CFAP73: variants seen among roughly 807,000 people sequenced by gnomAD.
CFAP73 encodes cilia and flagella associated protein 73.
In CFAP73, 33 loss-of-function variants were observed where a neutral mutation model predicts 42.9. The observed-to-expected ratio is 0.77, with a 90% CI of 0.58 to 1.03. CFAP73 has a LOEUF of 1.03. Among genes scored for constraint, CFAP73 ranks in the 50% least tolerant of loss-of-function variants. CFAP73 has a pLI of 0.00. For missense variants in CFAP73, 392 were observed against 411.9 expected, an observed-to-expected ratio of 0.95 and a Z score of 0.42; for synonymous variants, 162 against 186.8, an observed-to-expected ratio of 0.87 and a Z score of 1.08.
intron 1 of CFAP73, among the ~76,000 whole-genome samples, chr12:113,150,902 A>C (rs1038055102): frequency 6.6e-6 from 1 of 152,132 alleles, no homozygotes; most frequent in Admixed American, 6.6e-5. Context: ...GGAGATGTCC[A>C]CGTGGCTTGC....
rs376917520 is a variant in CFAP73, at chr12:113,155,371, C to A, written c.802C>A (p.Gln268Lys). The change falls in exon 6 of 8, where the codon CAG (glutamine) becomes AAG (lysine). Residue 268 changes from glutamine to lysine, a missense_variant. Physicochemically the swap from Gln to Lys is moderately conservative, Grantham distance 53. Transcript: ENST00000335621. ...LFQLVCQHQGQPPTLDIEDTE... is the reference protein window; with the variant it reads ...LFQLVCQHQGKPPTLDIEDTE... Reference sequence around the variant, plus strand: ...CCAGCTAGTGTGCCAGCATCAGGGGCAGCCTCCCACCCTGGACATCGAGGA... The same window carrying A: ...CCAGCTAGTGTGCCAGCATCAGGGGAAGCCTCCCACCCTGGACATCGAGGA... 67 of 1,551,450 alleles carry A rather than the reference C, an allele frequency of 4.3e-5. No individual in the cohort carries two copies. In the African/African-American group the frequency reaches 8.8e-4, roughly 20 times the overall value.
rs79479938 is a variant in CFAP73 at position 113,149,981 on chromosome 12, C to G, written c.56+68C>G. 3.1e-3 allele frequency: 4,449 copies of G among 1,454,550 alleles called. 100 individuals are homozygous for G. In the African/African-American group the frequency reaches 0.046, roughly 15 times the overall value. The allele number at this position is 1,454,550 out of a possible 1,614,324, so 90.1% of individuals were successfully genotyped here. ...GAATGCGTGGGCTGGCCCATCCTTT[C>G]TTCCTCACCTCCTGGGTCCTGGCTT... On this transcript the variant is annotated intron_variant, in intron 1 of 7. Coordinates refer to ENST00000335621, the MANE Select transcript of CFAP73 (RefSeq NM_001144872.3).
intron 6 of CFAP73, among the ~76,000 whole-genome samples, chr12:113,156,018 C>T: frequency 6.6e-6 from 1 of 151,614 alleles, no homozygotes; most frequent in East Asian, 1.9e-4. Flanking sequence ...ACCTCTGCCT[C>T]CTGGCGATTC....
chr12:113,154,749 G>A lies in CFAP73; in HGVS notation c.690+114G>A. On this transcript the variant is annotated intron_variant, in intron 5 of 7. Transcript: ENST00000335621. This position sits in a 1 kb window ranked among gnomAD's most constrained non-coding sequence, Gnocchi z 4.7. ...GGGCAATGCTTACCCCAGAGGGTCC[G>A]CTGCACTAAGGAGGGGAATCTCAGG... The A allele has an allele frequency of 7.4e-7, 1 of 1,345,390 alleles. No individual in the cohort carries two copies. Among genetic ancestry groups the A allele is most frequent in the Non-Finnish European group, 9.5e-7 (1 of 1,055,374 alleles). The allele number at this position is 1,345,390 out of a possible 1,614,324, so 83.3% of individuals were successfully genotyped here.
At chr12:113,151,535 G>A (rs962126872) in intron 1 of CFAP73, among the ~76,000 whole-genome samples, 19 of 152,216 alleles carry the variant, frequency 1.2e-4, no homozygotes, top group Non-Finnish European at 2.2e-4. Context: ...GCTTATGCCT[G>A]TAATCCCAAC....
intron 5 of CFAP73, among the ~76,000 whole-genome samples, chr12:113,155,006 C>A (rs1470898396): frequency 6.6e-6 from 1 of 152,150 alleles, no homozygotes; most frequent in Non-Finnish European, 1.5e-5. Flanking sequence ...CCTGTCTCTA[C>A]TAAAAATACA....
chr12:113,152,703 A>G, intron 2 of CFAP73, 80 bp from the exon 3 acceptor site: 1 of 960,414 alleles, frequency 1.0e-6, no homozygotes, highest in Non-Finnish European at 1.6e-6. Flanking sequence ...CAACAGGTGG[A>G]AGGGGTTAGG....
Position 113,154,753 on chromosome 12 carries a change from C to T in CFAP73, c.690+118C>T, listed in dbSNP as rs1433661410. 7.5e-7 allele frequency: 1 copy of T among 1,340,434 alleles called. No individual in the cohort carries two copies. The allele number at this position is 1,340,434 out of a possible 1,614,324, so 83.0% of individuals were successfully genotyped here. A position where few individuals can be genotyped will look rare whatever the true frequency, so the allele number is the denominator to read the frequency against. Reference sequence around the variant, plus strand: ...AATGCTTACCCCAGAGGGTCCGCTGCACTAAGGAGGGGAATCTCAGGCATC... The same window carrying T: ...AATGCTTACCCCAGAGGGTCCGCTGTACTAAGGAGGGGAATCTCAGGCATC... On this transcript the variant is annotated intron_variant, in intron 5 of 7. Coordinates refer to ENST00000335621, the MANE Select transcript of CFAP73 (RefSeq NM_001144872.3). This position sits in a 1 kb window ranked among gnomAD's most constrained non-coding sequence, Gnocchi z 4.7.
rs1406477341 is a variant in CFAP73 at position 113,151,992 on chromosome 12, A to G, written c.131A>G (p.Asp44Gly). 3.2e-6 allele frequency: 5 copies of G among 1,551,562 alleles called. No individual in the cohort carries two copies. Among genetic ancestry groups the G allele is most frequent in the Non-Finnish European group, 4.4e-6 (5 of 1,146,928 alleles). ...RLLEKRQELV[D>G]ADQALQAQKE... ...CTGGAGAAGAGGCAAGAGCTGGTAG[A>G]TGCAGACCAGGCCCTGCAGGCCCAG... The change falls in exon 2 of 8, where the codon GAT (aspartate) becomes GGT (glycine). Residue 44 changes from aspartate to glycine, a missense_variant. Coordinates refer to ENST00000335621, the MANE Select transcript of CFAP73 (RefSeq NM_001144872.3).
Position 113,149,931 on chromosome 12 carries a change from G to A in CFAP73, c.56+18G>A, listed in dbSNP as rs1316747539. ...CTGTCTACGTGAGTGGGACGTAGAG[G>A]GAGGGAGGGCTAGAAGGAGGGCGGG... On this transcript the variant is annotated intron_variant, in intron 1 of 7. Transcript: ENST00000335621. 1.3e-6 allele frequency: 2 copies of A among 1,549,732 alleles called. No homozygotes were observed. Among genetic ancestry groups the A allele is most frequent in the African/African-American group, 1.4e-5 (1 of 73,034 alleles).
chr12:113,159,238 G>A lies in CFAP73; in HGVS notation c.*549G>A. On this transcript the variant is annotated 3_prime_UTR_variant, in exon 8 of 8. Transcript: ENST00000335621. ...TGCTTATTGCTGTGGCCCAGTGTCT[G>A]TACACAGTAGGTGGCTAATAAAGTT... is the stretch of plus-strand genomic sequence containing the variant. 2 of 1,035,408 alleles carry A rather than the reference G, an allele frequency of 1.9e-6. No homozygotes were observed. 64.1% of individuals were successfully genotyped at this position (1,035,408 alleles called of 1,614,324 possible). A position where few individuals can be genotyped will look rare whatever the true frequency, so the allele number is the denominator to read the frequency against.
rs1451713220 is a variant in CFAP73 at position 113,157,706 on chromosome 12, G to A, written c.*11+16G>A. ...CCTGACACAGGTGAGCAGCGGGAGAGGGAACCCCTGAGAGACCCTGAGATA... is the reference window on the plus strand; with the variant it reads ...CCTGACACAGGTGAGCAGCGGGAGAAGGAACCCCTGAGAGACCCTGAGATA... On this transcript the variant is annotated intron_variant, in intron 7 of 7. Transcript: ENST00000335621. The A allele has an allele frequency of 1.3e-6, 2 of 1,540,770 alleles. No individual in the cohort carries two copies. Among genetic ancestry groups the A allele is most frequent in the Admixed American group, 3.9e-5 (2 of 50,974 alleles).
rs536985107 is a variant in CFAP73 at position 113,155,523 on chromosome 12, G to T, written c.849+105G>T. Reference sequence around the variant, plus strand: ...TGACACCTTCTCTGGGTTAAGCATGGCCCTCTACGGTCAGAGCCCTTGCCC... The same window carrying T: ...TGACACCTTCTCTGGGTTAAGCATGTCCCTCTACGGTCAGAGCCCTTGCCC... On this transcript the variant is annotated intron_variant, in intron 6 of 7. Coordinates refer to ENST00000335621, the MANE Select transcript of CFAP73 (RefSeq NM_001144872.3). 5.0e-5 allele frequency: 62 copies of T among 1,244,016 alleles called. No homozygotes were observed. In the East Asian group the frequency reaches 1.5e-3, roughly 30 times the overall value. The allele number at this position is 1,244,016 out of a possible 1,614,324, so 77.1% of individuals were successfully genotyped here. A position where few individuals can be genotyped will look rare whatever the true frequency, so the allele number is the denominator to read the frequency against.
intron 6 of CFAP73, among the ~76,000 whole-genome samples, chr12:113,155,823 C>G (rs1338326690): frequency 6.6e-6 from 1 of 152,298 alleles, no homozygotes; most frequent in Admixed American, 6.5e-5. Flanking sequence ...CTTCATTAAT[C>G]TCTGGCCCTC....
chr12:113,156,711 T>C (rs1407716938), intron 6 of CFAP73: 3 of 152,190 alleles, frequency 2.0e-5, no homozygotes, highest in African/African-American at 4.8e-5. Context: ...TTGTGGCACA[T>C]GAGACTAGCA....
At chr12:113,150,157 A>G (rs1161241433) in intron 1 of CFAP73, among the ~76,000 whole-genome samples, 1 of 152,030 alleles carries the variant, frequency 6.6e-6, no homozygotes, top group Non-Finnish European at 1.5e-5. Flanking sequence ...CATTCAAACC[A>G]AGCTGGGAAG....
chr12:113,157,741 A>G, intron 7 of CFAP73, 51 bp downstream of exon 7: 1 of 1,342,652 alleles, frequency 7.4e-7, no homozygotes, highest in Non-Finnish European at 1.0e-6. Context: ...AGGAGGGCCC[A>G]CATTTCCAAT....
At chr12:113,155,458 C>T (rs1309512413) in intron 6 of CFAP73, 40 bp downstream of exon 6, 4 of 1,508,276 alleles carry the variant, frequency 2.7e-6, no homozygotes, top group Middle Eastern at 1.7e-4. Context: ...CCCCCAAACA[C>T]TCCCTCTTTG....
chr12:113,154,328 T>C lies in CFAP73; in HGVS notation c.469-86T>C, dbSNP rs1049555031. 8 of 1,424,396 alleles carry C rather than the reference T, an allele frequency of 5.6e-6. No individual in the cohort carries two copies. The highest frequency in any genetic ancestry group is 7.6e-6 in the Non-Finnish European group (8 of 1,046,592). 88.2% of individuals were successfully genotyped at this position (1,424,396 alleles called of 1,614,324 possible). ...TCACTTTCCAGAAAGATTATTCCAA[T>C]AATAAGGAACGCTGGCGGCCAGGTG... On this transcript the variant is annotated intron_variant, in intron 4 of 7. Coordinates refer to ENST00000335621, the MANE Select transcript of CFAP73 (RefSeq NM_001144872.3). This position sits in a 1 kb window ranked among gnomAD's most constrained non-coding sequence, Gnocchi z 4.7.
Sources: gnomAD v4.1 joint callset for allele counts (sites outside exome capture counted in the v4.1 genomes callset) on GRCh38, gnomAD v4.1.1 for gene constraint, Gnocchi (gnomAD v3.1) non-coding constraint, MANE v1.5 for transcripts, NCBI Gene and HGNC (gene_info 2026-07-23, HGNC 2026-07-21) for gene names.